DPY19L2: variants seen among roughly 807,000 people sequenced by gnomAD.
DPY19L2 encodes the protein probable C-mannosyltransferase DPY19L2.
In DPY19L2, 34 loss-of-function variants were observed where a neutral mutation model predicts 97.9. The ratio of observed to expected loss-of-function variants is 0.35; its 90% CI spans 0.26 to 0.46. DPY19L2 has a LOEUF of 0.46. Ranked by LOEUF, DPY19L2 falls within the 20% of genes least tolerant of loss-of-function variation. The probability of loss-of-function intolerance (pLI) is 1.00; values close to 1 mark genes in which losing one functional copy is unlikely to be tolerated. For synonymous variants in DPY19L2, 230 were observed against 307.9 expected (o/e 0.75, Z 2.65); for missense variants, 623 against 911.4 (o/e 0.68, Z 4.07).
intron 7 of DPY19L2, among the ~76,000 whole-genome samples, chr12:63,625,830 T>C (rs1455872791): frequency 6.6e-6 from 1 of 152,024 alleles, no homozygotes; most frequent in Admixed American, 6.6e-5. Context: ...TCTGGAGATC[T>C]GCTATACAAC....
chr12:63,589,535 T>C (rs1882512692), intron 16 of DPY19L2, among the ~76,000 whole-genome samples: 1 of 151,968 alleles, frequency 6.6e-6, no homozygotes, highest in South Asian at 2.1e-4. Context: ...AATACCTCAT[T>C]AGAGGGGGAA....
At chr12:63,580,259 C>A (rs1211001843) in intron 19 of DPY19L2, among the ~76,000 whole-genome samples, 10 of 152,200 alleles carry the variant, frequency 6.6e-5, no homozygotes, top group African/African-American at 2.4e-4. Context: ...TAACTCCCCA[C>A]CATCAAAAGT....
In DPY19L2 at chr12:63,560,432, T is replaced by A. The variant is rs1239826400; in HGVS notation, c.*80A>T. On this transcript the variant is annotated 3_prime_UTR_variant, in exon 22 of 22. Coordinates refer to ENST00000324472, the MANE Select transcript of DPY19L2 (RefSeq NM_173812.5). ...AGTGTCTGTTATTAAAGCTTGTGAT[T>A]TTTATTAATGTGAATAAGCCAAAGG... is the stretch of plus-strand genomic sequence containing the variant. 34 of 1,431,558 alleles carry A rather than the reference T, an allele frequency of 2.4e-5. No individual in the cohort carries two copies. The highest frequency in any genetic ancestry group is 3.1e-5 in the Non-Finnish European group (33 of 1,079,180). 88.7% of individuals were successfully genotyped at this position (1,431,558 alleles called of 1,614,324 possible). A position where few individuals can be genotyped will look rare whatever the true frequency, so the allele number is the denominator to read the frequency against.
At chr12:63,590,053 C>T (rs1403914717) in intron 16 of DPY19L2, among the ~76,000 whole-genome samples, 4 of 151,752 alleles carry the variant, frequency 2.6e-5, no homozygotes, top group Admixed American at 1.3e-4. Flanking sequence ...GCTTGAACCC[C>T]GGAGGCAGAG....
At chr12:63,626,770 A>C (rs886269099) in intron 6 of DPY19L2, among the ~76,000 whole-genome samples, 14 of 152,116 alleles carry the variant, frequency 9.2e-5, no homozygotes, top group African/African-American at 3.1e-4. Flanking sequence ...AATAAAATAC[A>C]TAAGGTGTGA....
intron 6 of DPY19L2, among the ~76,000 whole-genome samples, chr12:63,639,724 G>C (rs1347539724): frequency 1.3e-5 from 2 of 152,192 alleles, no homozygotes; most frequent in African/African-American, 4.8e-5. Flanking sequence ...AGGATGTGGA[G>C]AAATAGGAAC....
At chr12:63,637,686 T>G (rs981843336) in intron 6 of DPY19L2, among the ~76,000 whole-genome samples, 1 of 151,890 alleles carries the variant, frequency 6.6e-6, no homozygotes, top group Non-Finnish European at 1.5e-5. Flanking sequence ...AATAGACCAA[T>G]AACAGGCTCT....
In DPY19L2 at chr12:63,632,641, A is replaced by G. The variant is rs766815089; in HGVS notation, c.804-6115T>C. Reference sequence around the variant, plus strand: ...TATCGTGAAAATGGCCATACTGCCCAAGGTAATTTATAGATTCAATGGAAT... The same window carrying G: ...TATCGTGAAAATGGCCATACTGCCCGAGGTAATTTATAGATTCAATGGAAT... On this transcript the variant is annotated intron_variant, in intron 6 of 21. Transcript: ENST00000324472. Among the ~76,000 whole-genome samples the G allele has an allele frequency of 5.3e-5, 8 of 152,186 alleles. 1 individual carries two copies. Among genetic ancestry groups the G allele is most frequent in the Non-Finnish European group, 1.2e-4 (8 of 68,020 alleles).
At chr12:63,604,840 A>G (rs1305868933) in intron 12 of DPY19L2, among the ~76,000 whole-genome samples, 3 of 152,050 alleles carry the variant, frequency 2.0e-5, no homozygotes, top group Non-Finnish European at 4.4e-5. Flanking sequence ...CTCAGTGTTG[A>G]CATCTGTTGA....
chr12:63,633,448 T>A (rs1266170), intron 6 of DPY19L2, among the ~76,000 whole-genome samples: 1 of 151,942 alleles, frequency 6.6e-6, no homozygotes, highest in Non-Finnish European at 1.5e-5. Flanking sequence ...ATGCAGCCAA[T>A]AGACACACGA....
At chr12:63,594,278 T>A (rs1417123747) in intron 15 of DPY19L2, 145 bp from the exon 16 acceptor site, 1 of 558,654 alleles carries the variant, frequency 1.8e-6, no homozygotes, top group African/African-American at 2.0e-5. Flanking sequence ...ACGGTCATAC[T>A]ATAGATGCCT....
At chr12:63,590,561 A>G (rs1882717593) in intron 16 of DPY19L2, among the ~76,000 whole-genome samples, 1 of 152,138 alleles carries the variant, frequency 6.6e-6, no homozygotes, top group African/African-American at 2.4e-5. Flanking sequence ...ATAAAATCCT[A>G]AGACCATTAT....
At chr12:63,596,391 C>G (rs1884248686) in intron 14 of DPY19L2, among the ~76,000 whole-genome samples, 1 of 152,118 alleles carries the variant, frequency 6.6e-6, no homozygotes. Flanking sequence ...TACTACACAG[C>G]TCCATTATTT....
chr12:63,605,847 A>C (rs1250307952), intron 12 of DPY19L2, among the ~76,000 whole-genome samples: 1 of 152,188 alleles, frequency 6.6e-6, no homozygotes, highest in Non-Finnish European at 1.5e-5. Flanking sequence ...ATTTAGTGAC[A>C]TGTGACCTTT....
chr12:63,563,891 A>G (rs2137247458), intron 21 of DPY19L2, among the ~76,000 whole-genome samples: 1 of 152,244 alleles, frequency 6.6e-6, no homozygotes, highest in African/African-American at 2.4e-5. Flanking sequence ...TCTTTTTACT[A>G]CAAATATAAT....
At chr12:63,659,793 T>C (rs1448280967) in intron 4 of DPY19L2, among the ~76,000 whole-genome samples, 2 of 152,124 alleles carry the variant, frequency 1.3e-5, no homozygotes, top group Admixed American at 6.5e-5. Flanking sequence ...GATGGATATA[T>C]AGCTTCATAC....
In DPY19L2 at chr12:63,653,184, C is replaced by G. The variant is rs561623803; in HGVS notation, c.589-5819G>C. 1.5e-3 allele frequency among the ~76,000 whole-genome samples: 227 copies of G among 152,098 alleles called. 1 individual carries two copies. Among genetic ancestry groups the G allele is most frequent in the African/African-American group, 5.1e-3 (210 of 41,486 alleles). ...AAAACAGCCCTAGGGACCTGTGGAA[C>G]TTTAACAAAGGATCCTACATTCATG... is the stretch of plus-strand genomic sequence containing the variant. On this transcript the variant is annotated intron_variant, in intron 4 of 21. Coordinates refer to ENST00000324472, the MANE Select transcript of DPY19L2 (RefSeq NM_173812.5).
chr12:63,655,558 T>C (rs1247304545), intron 4 of DPY19L2, among the ~76,000 whole-genome samples: 1 of 151,870 alleles, frequency 6.6e-6, no homozygotes, highest in Non-Finnish European at 1.5e-5. Flanking sequence ...GGACAGGAGG[T>C]TTGGGATAAC....
rs1001342548 is a variant in DPY19L2 at position 63,593,666 on chromosome 12, G to A, written c.1580+421C>T. Among the ~76,000 whole-genome samples, 65 of 152,176 alleles carry A rather than the reference G, an allele frequency of 4.3e-4. 1 individual carries two copies. Among genetic ancestry groups the A allele is most frequent in the Admixed American group, 1.2e-3 (19 of 15,288 alleles). ...GGGGTAGGGGGAGAGGGGAGGGATA[G>A]CTTTAGGAGATATACCTAATGCTAA... is the stretch of plus-strand genomic sequence containing the variant. On this transcript the variant is annotated intron_variant, in intron 16 of 21. Coordinates refer to ENST00000324472, the MANE Select transcript of DPY19L2 (RefSeq NM_173812.5).
Sources: allele counts gnomAD v4.1 joint callset (sites outside exome capture counted in the v4.1 genomes callset), GRCh38; gene constraint gnomAD v4.1.1; transcripts MANE v1.5; gene names NCBI Gene and HGNC (gene_info 2026-07-23, HGNC 2026-07-21).